FBXO10: variants seen among roughly 807,000 people sequenced by gnomAD.
FBXO10 encodes F-box only protein 10.
Under a neutral mutation model 80.7 loss-of-function variants are expected in FBXO10, and 39 were observed. That is an observed-to-expected ratio of 0.48 (90% CI 0.37 to 0.63). The LOEUF is 0.63. Among genes scored for constraint, FBXO10 ranks in the 30% least tolerant of loss-of-function variants. The pLI is 0.00. For missense variants in FBXO10, 1,025 were observed against 1,269.0 expected (o/e 0.81, Z 2.92); for synonymous variants, 449 against 489.6 (o/e 0.92, Z 1.09).
Position 37,529,192 on chromosome 9 carries a change from C to T in FBXO10, c.1638G>A (p.Arg546=). The change falls in exon 5 of 11, where the codon CGG becomes CGA. Residue 546 remains arginine (R), a synonymous_variant. Coordinates refer to ENST00000432825, the MANE Select transcript of FBXO10 (RefSeq NM_012166.3). ...VVLGNGKGII[R]NNQIFSNKEA... is the part of the protein sequence containing the mutation. ...CCTTATTGGAAAAGATTTGATTGTT[C>T]CGGATGATGCCTTTCCCATTGCCAA... 2 of 1,613,772 alleles carry T rather than the reference C, an allele frequency of 1.2e-6. No individual in the cohort carries two copies. Among genetic ancestry groups the T allele is most frequent in the South Asian group, 1.1e-5 (1 of 90,984 alleles).
chr9:37,543,677 T>C (rs968504055), intron 1 of FBXO10, among the ~76,000 whole-genome samples: 2 of 152,238 alleles, frequency 1.3e-5, no homozygotes, highest in Non-Finnish European at 2.9e-5. Flanking sequence ...TGCCATCAGA[T>C]ATCCCTGATG....
chr9:37,534,814 C>T (rs778086715), intron 3 of FBXO10, among the ~76,000 whole-genome samples: 18 of 152,062 alleles, frequency 1.2e-4, no homozygotes, highest in African/African-American at 2.2e-4. Context: ...AGAGAAACAG[C>T]GGGAAAACAC....
intron 3 of FBXO10, chr9:37,535,846 C>T (rs80116033): frequency 0.027 from 4,107 of 152,284 alleles, 74 homozygotes; most frequent in Middle Eastern, 0.071. Context: ...TCCTTTGCCT[C>T]GCGTCTTCAC....
At chr9:37,535,284 T>C (rs1386318979) in intron 3 of FBXO10, among the ~76,000 whole-genome samples, 1 of 152,148 alleles carries the variant, frequency 6.6e-6, no homozygotes, top group Non-Finnish European at 1.5e-5. Flanking sequence ...CTACATGAGA[T>C]ATCTGACTTC....
At chr9:37,518,778 G>A (rs7865842) in intron 8 of FBXO10, among the ~76,000 whole-genome samples, 146,908 of 152,278 alleles carry the variant, frequency 0.96, 70,941 homozygotes, top group East Asian at 1. Context: ...ACACCTCCCT[G>A]ACGGGGTGCT....
intron 1 of FBXO10, among the ~76,000 whole-genome samples, chr9:37,573,899 G>C (rs1054434422): frequency 1.3e-5 from 2 of 151,894 alleles, no homozygotes; most frequent in Admixed American, 1.3e-4. Flanking sequence ...AGGGTAATGA[G>C]AGAAATTAGC....
chr9:37,524,107 C>T (rs929587510), intron 6 of FBXO10, among the ~76,000 whole-genome samples: 1 of 152,122 alleles, frequency 6.6e-6, no homozygotes, highest in Non-Finnish European at 1.5e-5. Flanking sequence ...GTCCCACAAG[C>T]GATGTCCACT....
chr9:37,518,025 T>G, intron 9 of FBXO10, 100 bp downstream of exon 9: 1 of 1,249,116 alleles, frequency 8.0e-7, no homozygotes, highest in Non-Finnish European at 1.1e-6. Flanking sequence ...CTTGTAGTGC[T>G]GAGTGATTAC....
rs1821792180 is a variant in FBXO10, at chr9:37,537,270, GC to G, written c.1258del (p.Ala420ProfsTer43). On this transcript the variant is annotated frameshift_variant, in exon 3 of 11. Transcript: ENST00000432825. LOFTEE classifies it high-confidence loss of function. Reference protein sequence around the residue: ...LQQELQKDKEAMALANSVQGC... With the variant: ...LQQELQKDKEXMALANSVQGC... Reference sequence around the variant, plus strand: ...CTGCACGGAGTTGGCCAGTGCCATGGCCTCCTTATCCTTCTGCAGCTCCTGC... The same window carrying G: ...CTGCACGGAGTTGGCCAGTGCCATGGCTCCTTATCCTTCTGCAGCTCCTGC... 6.2e-7 allele frequency: 1 copy of G among 1,613,692 alleles called. No individual in the cohort carries two copies. Among genetic ancestry groups the G allele is most frequent in the South Asian group, 1.1e-5 (1 of 91,090 alleles).
intron 1 of FBXO10, among the ~76,000 whole-genome samples, chr9:37,573,505 C>A (rs1265170763): frequency 6.6e-6 from 1 of 152,180 alleles, no homozygotes; most frequent in Non-Finnish European, 1.5e-5. Flanking sequence ...CTGTGTAGGA[C>A]AGCTCTTCAA....
intron 1 of FBXO10, among the ~76,000 whole-genome samples, chr9:37,574,490 A>G (rs1425210571): frequency 6.6e-6 from 1 of 152,220 alleles, no homozygotes. Context: ...TCTAAAAACA[A>G]TAATAGGCTT....
chr9:37,512,483 A>G lies in FBXO10; in HGVS notation c.*64T>C, dbSNP rs1440997541. 2.6e-6 allele frequency: 4 copies of G among 1,545,164 alleles called. No homozygotes were observed. The African/African-American group carries it at 5.5e-5, about 21-fold the overall frequency. ...GGGGAGGGGCGGAGTCTTTTCAGGC[A>G]GTATTTCCACCTTAGCTCCTCTGAG... On this transcript the variant is annotated 3_prime_UTR_variant, in exon 11 of 11. Coordinates refer to ENST00000432825, the MANE Select transcript of FBXO10 (RefSeq NM_012166.3).
intron 4 of FBXO10, 142 bp from the exon 5 acceptor site, chr9:37,529,402 A>C: frequency 1.2e-6 from 1 of 866,228 alleles, no homozygotes. Context: ...CCCGTGACAA[A>C]GGGAATGGGT....
At position 37,541,241 on chromosome 9, in the gene FBXO10, G is replaced by C. The variant is rs754650679; in HGVS notation, c.528C>G (p.Thr176=). 1.9e-6 allele frequency: 3 copies of C among 1,613,554 alleles called. No homozygotes were observed. Among genetic ancestry groups the C allele is most frequent in the Non-Finnish European group, 2.5e-6 (3 of 1,179,726 alleles). The change falls in exon 2 of 11, where the codon ACC becomes ACG. Residue 176 remains threonine, a synonymous_variant. Transcript: ENST00000432825. ...TGAAGACGAGGTTGCACAGGCGTGT[G>C]GTTGAGCAGTGCTGATCAATGCTGG... ...LLASIDQHCS[T]TRLCNLVFTP...
rs74171513 is a variant in FBXO10, at chr9:37,553,012, TTGTGTGTGTGTGTGTG to T, written c.-6-11254_-6-11239del. On this transcript the variant is annotated intron_variant, in intron 1 of 10. Transcript: ENST00000432825. Reference sequence around the variant, plus strand: ...AGACCACAGCAGTGACCAATTCAGGTTGTGTGTGTGTGTGTGTGTGTGTGTGTGTGTGTGTGTGTAT... The same window carrying T: ...AGACCACAGCAGTGACCAATTCAGGTTGTGTGTGTGTGTGTGTGTGTGTAT... Among the ~76,000 whole-genome samples, 114 of 144,472 alleles carry T rather than the reference TTGTGTGTGTGTGTGTG, an allele frequency of 7.9e-4. 1 individual carries two copies. The highest frequency in any genetic ancestry group is 2.4e-3 in the African/African-American group (96 of 39,244). The allele number at this position is 144,472 out of a possible 152,430, so 94.8% of individuals were successfully genotyped here. A position where few individuals can be genotyped will look rare whatever the true frequency, so the allele number is the denominator to read the frequency against.
intron 1 of FBXO10, among the ~76,000 whole-genome samples, chr9:37,548,040 T>C (rs890273461): frequency 3.3e-5 from 5 of 152,086 alleles, no homozygotes; most frequent in African/African-American, 1.2e-4. Context: ...GTGAAGGAAA[T>C]GTTTTATATC....
At chr9:37,544,648 T>C (rs969045645) in intron 1 of FBXO10, among the ~76,000 whole-genome samples, 2 of 152,150 alleles carry the variant, frequency 1.3e-5, no homozygotes, top group Admixed American at 1.3e-4. Context: ...AGATTTGTAC[T>C]GGAGCCCAGA....
intron 9 of FBXO10, 69 bp from the exon 10 acceptor site, chr9:37,516,154 G>A (rs912699275): frequency 2.6e-6 from 4 of 1,512,496 alleles, no homozygotes; most frequent in Non-Finnish European, 2.7e-6. Context: ...CTGGGCAAGT[G>A]AATTATCAGT....
Position 37,532,035 on chromosome 9 carries a change from A to T in FBXO10, c.1443T>A (p.Ile481=), listed in dbSNP as rs1564339656. 1.9e-6 allele frequency: 3 copies of T among 1,613,708 alleles called. No individual in the cohort carries two copies. The highest frequency in any genetic ancestry group is 2.5e-6 in the Non-Finnish European group (3 of 1,179,758). ...NSKIIMLRND[I]YRCRASGIFL... ...AGATGCCTGACGCTCGGCAGCGGTA[A>T]ATGTCGTTCCTGAGCATGATGATCT... The change falls in exon 4 of 11, where the codon ATT becomes ATA. Residue 481 remains isoleucine (I), a synonymous_variant. Transcript: ENST00000432825.
Sources: allele counts gnomAD v4.1 joint callset (sites outside exome capture counted in the v4.1 genomes callset), GRCh38; gene constraint gnomAD v4.1.1; transcripts MANE v1.5; gene names NCBI Gene and HGNC (gene_info 2026-07-23, HGNC 2026-07-21).